POGZ: variants seen among roughly 807,000 people sequenced by gnomAD.
The protein encoded by POGZ is pogo transposable element derived with ZNF domain.
POGZ carries 17 observed loss-of-function variants against 134.6 expected under a neutral mutation model. That is an observed-to-expected ratio of 0.13 (90% CI 0.09 to 0.19). POGZ has a LOEUF of 0.19. POGZ is among the 10% of genes least tolerant of loss of function. The pLI, the probability that POGZ is intolerant of heterozygous loss-of-function variation, is 1.00. For synonymous variants in POGZ, 693 were observed against 657.1 expected (o/e 1.05, Z -0.84); for missense variants, 1,306 against 1,769.7 (o/e 0.74, Z 4.70).
At chr1:151,428,501 C>T in intron 5 of POGZ, 88 bp from the exon 6 acceptor site, 1 of 1,120,350 alleles carries the variant, frequency 8.9e-7, no homozygotes, top group Non-Finnish European at 1.3e-6. Flanking sequence ...GATTATTTCC[C>T]CAAACTGATG....
At chr1:151,418,147 T>C (rs549669896) in intron 10 of POGZ, among the ~76,000 whole-genome samples, 72 of 151,340 alleles carry the variant, frequency 4.8e-4, no homozygotes, top group African/African-American at 1.7e-3. Flanking sequence ...ACCCAGGAGG[T>C]GGAGGTTGTG....
intron 1 of POGZ, among the ~76,000 whole-genome samples, chr1:151,446,274 A>AG (rs139456031): frequency 0.6 from 75,621 of 125,590 alleles, 26,303 homozygotes; most frequent in Non-Finnish European, 0.8. Flanking sequence ...AAAAAAAAAA[A>AG]CGAATTTTAT....
At chr1:151,410,481 CT>C (rs1360254212) in intron 12 of POGZ, among the ~76,000 whole-genome samples, 1 of 152,168 alleles carries the variant, frequency 6.6e-6, no homozygotes, top group Non-Finnish European at 1.5e-5. Context: ...ACACTTTCTT[CT>C]CCCCAGTTTC....
intron 7 of POGZ, 178 bp from the exon 8 acceptor site, chr1:151,425,239 T>C: frequency 2.2e-6 from 1 of 457,632 alleles, no homozygotes; most frequent in South Asian, 2.0e-5. Context: ...TCTCAGTCTG[T>C]TGCCCAGGCT....
chr1:151,455,260 T>C (rs1662636643), intron 1 of POGZ: 1 of 152,326 alleles, frequency 6.6e-6, no homozygotes, highest in East Asian at 1.9e-4. Context: ...GTTTTTATTT[T>C]ACAGATAAGG....
At chr1:151,436,548 A>G (rs1448944831) in intron 3 of POGZ, among the ~76,000 whole-genome samples, 1 of 152,078 alleles carries the variant, frequency 6.6e-6, no homozygotes, top group Non-Finnish European at 1.5e-5. Context: ...AGTGCAAACG[A>G]TTCTCCTGCC....
chr1:151,408,963 G>T, intron 12 of POGZ, 135 bp from the exon 13 acceptor site: 1 of 778,392 alleles, frequency 1.3e-6, no homozygotes, highest in Admixed American at 2.6e-5. Flanking sequence ...AAGAGAGTAA[G>T]AAAGAAATAT....
At chr1:151,419,213 T>C (rs1299426197) in intron 10 of POGZ, among the ~76,000 whole-genome samples, 2 of 151,188 alleles carry the variant, frequency 1.3e-5, no homozygotes, top group Non-Finnish European at 2.9e-5. Context: ...AACAAAAAAA[T>C]TAACTGGGCA....
intron 17 of POGZ, 99 bp downstream of exon 17, chr1:151,406,812 A>G: frequency 2.0e-6 from 2 of 1,021,018 alleles, no homozygotes; most frequent in South Asian, 2.8e-5. Flanking sequence ...CTCAACAGTG[A>G]ATGAGTGAGG....
At chr1:151,411,576 T>C (rs1557878318) in intron 12 of POGZ, 49 bp downstream of exon 12, 1 of 1,118,624 alleles carries the variant, frequency 8.9e-7, no homozygotes, top group Non-Finnish European at 1.2e-6. Flanking sequence ...CATCCATGTT[T>C]AAAAAAAAAA....
chr1:151,410,900 T>C (rs183474842), intron 12 of POGZ, among the ~76,000 whole-genome samples: 1 of 152,308 alleles, frequency 6.6e-6, no homozygotes, highest in African/African-American at 2.4e-5. Context: ...CATCTCTACA[T>C]CATAAATATC....
chr1:151,420,908 T>C (rs894091737), intron 10 of POGZ, among the ~76,000 whole-genome samples: 1 of 151,640 alleles, frequency 6.6e-6, no homozygotes, highest in African/African-American at 2.4e-5. Context: ...CCTTTGCCAA[T>C]GGGAAATATA....
chr1:151,420,872 G>A (rs1046095513), intron 10 of POGZ, among the ~76,000 whole-genome samples: 1 of 151,578 alleles, frequency 6.6e-6, no homozygotes, highest in Non-Finnish European at 1.5e-5. Flanking sequence ...AATTTTGCCT[G>A]TTTTTTTAAA....
Position 151,426,026 on chromosome 1 carries a change from GTTCT to G in POGZ, c.1079-969_1079-966del, listed in dbSNP as rs370119630. Among the ~76,000 whole-genome samples, 63 of 152,156 alleles carry G rather than the reference GTTCT, an allele frequency of 4.1e-4. No individual in the cohort carries two copies. The East Asian group carries it at 8.9e-3, about 21-fold the overall frequency. On this transcript the variant is annotated intron_variant, in intron 7 of 18. Transcript: ENST00000271715. Reference sequence around the variant, plus strand: ...CCTCAACAATATTTGTTATTTTATGGTTCTTTGATAGTAGCCATCCTAATGGGAG... The same window carrying G: ...CCTCAACAATATTTGTTATTTTATGGTTGATAGTAGCCATCCTAATGGGAG...
At chr1:151,429,110 CCTT>C (rs1396822336) in intron 5 of POGZ, among the ~76,000 whole-genome samples, 1 of 126,012 alleles carries the variant, frequency 7.9e-6, no homozygotes, top group Non-Finnish European at 1.8e-5. Flanking sequence ...AAAAAATTAT[CCTT>C]CTCAGAATCT....
chr1:151,431,722 C>A (rs1248337785), intron 3 of POGZ, among the ~76,000 whole-genome samples: 2 of 152,058 alleles, frequency 1.3e-5, no homozygotes, highest in Non-Finnish European at 2.9e-5. Flanking sequence ...ATTGAAATAT[C>A]TTAAATTCTT....
chr1:151,444,753 G>A (rs570685542), intron 1 of POGZ, among the ~76,000 whole-genome samples: 15 of 152,260 alleles, frequency 9.9e-5, no homozygotes, highest in African/African-American at 3.6e-4. Flanking sequence ...ATTTTATAAA[G>A]CAATGAATTT....
intron 11 of POGZ, among the ~76,000 whole-genome samples, chr1:151,412,043 G>C (rs1367764969): frequency 6.6e-6 from 1 of 152,064 alleles, no homozygotes; most frequent in Non-Finnish European, 1.5e-5. Flanking sequence ...TTTCCAAAGG[G>C]CACGTTCAGG....
intron 8 of POGZ, chr1:151,424,583 G>C (rs934299100): frequency 2.2e-5 from 7 of 318,532 alleles, no homozygotes; most frequent in Non-Finnish European, 3.4e-5. Flanking sequence ...TTTTTATCTG[G>C]ACTAATACCA....
Sources: allele counts gnomAD v4.1 joint callset (sites outside exome capture counted in the v4.1 genomes callset), GRCh38; gene constraint gnomAD v4.1.1; transcripts MANE v1.5; gene names NCBI Gene and HGNC (gene_info 2026-07-23, HGNC 2026-07-21).